CDH13: variants seen among roughly 807,000 people sequenced by gnomAD.
CDH13 encodes the protein cadherin 13, also known as cadherin-13.
In CDH13, 24 loss-of-function variants were observed where a neutral mutation model predicts 63.8. That is an observed-to-expected ratio of 0.38 (90% CI 0.27 to 0.53). The LOEUF (loss-of-function observed/expected upper bound fraction) is 0.53, where lower values mean the gene tolerates loss of function less well. Ranked by LOEUF, CDH13 falls within the 20% of genes least tolerant of loss-of-function variation. CDH13 has a pLI of 0.85. For synonymous variants in CDH13, 503 were observed against 355.3 expected (o/e 1.42, Z -4.67); for missense variants, 1,049 against 903.1 (o/e 1.16, Z -2.07).
At chr16:83,779,214 G>T (rs1915332805) in intron 11 of CDH13, among the ~76,000 whole-genome samples, 1 of 151,764 alleles carries the variant, frequency 6.6e-6, no homozygotes, top group African/African-American at 2.4e-5. Flanking sequence ...AGACCAGCCT[G>T]GCCAACATAG....
At position 83,358,203 on chromosome 16, in the gene CDH13, C is replaced by G. The variant is rs192695617; in HGVS notation, c.781+13197C>G. 1.6e-3 allele frequency among the ~76,000 whole-genome samples: 250 copies of G among 152,242 alleles called. 2 individuals are homozygous for G. The highest frequency in any genetic ancestry group is 3.9e-3 in the Admixed American group (60 of 15,296). On this transcript the variant is annotated intron_variant, in intron 6 of 13. Coordinates refer to ENST00000567109, the MANE Select transcript of CDH13 (RefSeq NM_001257.5). ...CTAAATGTGGTGATGTGAGGAAGTA[C>G]TGACCAACAAGCTAGAAGCAGGGGT...
chr16:83,612,072 A>G (rs1908908453), intron 8 of CDH13, among the ~76,000 whole-genome samples: 1 of 152,096 alleles, frequency 6.6e-6, no homozygotes. Flanking sequence ...TATATGTTTT[A>G]TTAATCTGCT....
At chr16:83,537,229 G>A (rs1377143150) in intron 7 of CDH13, among the ~76,000 whole-genome samples, 2 of 152,182 alleles carry the variant, frequency 1.3e-5, no homozygotes, top group Admixed American at 6.5e-5. Context: ...AGTATTTGTT[G>A]AGCAAGTAGA....
chr16:82,754,055 A>G lies in CDH13; in HGVS notation c.46-104307A>G, dbSNP rs1459207404. 3.3e-5 allele frequency among the ~76,000 whole-genome samples: 5 copies of G among 152,226 alleles called. No homozygotes were observed. The East Asian group carries it at 9.6e-4, about 29-fold the overall frequency. On this transcript the variant is annotated intron_variant, in intron 1 of 13. Transcript: ENST00000567109. ...TGCTCACGCTTCTGGAATGAAAAGT[A>G]CAAAGGTACAGGGGCAGCAGCTGGA...
At chr16:83,211,972 C>T (rs1334538462) in intron 4 of CDH13, among the ~76,000 whole-genome samples, 2 of 152,132 alleles carry the variant, frequency 1.3e-5, no homozygotes. Flanking sequence ...AGGAAGTTCT[C>T]GCTAACTGTG....
At chr16:83,681,055 C>T (rs910103750) in intron 10 of CDH13, among the ~76,000 whole-genome samples, 1 of 151,908 alleles carries the variant, frequency 6.6e-6, no homozygotes, top group Non-Finnish European at 1.5e-5. Flanking sequence ...GCCCAAGGCC[C>T]AGGTTGAGTC....
intron 6 of CDH13, among the ~76,000 whole-genome samples, chr16:83,364,353 G>A (rs2151389220): frequency 6.6e-6 from 1 of 152,194 alleles, no homozygotes; most frequent in South Asian, 2.1e-4. Context: ...TGATGTAACT[G>A]TACTGTGCAA....
intron 1 of CDH13, among the ~76,000 whole-genome samples, chr16:82,747,708 CA>C (rs2151064651): frequency 1.2e-5 from 1 of 83,650 alleles, no homozygotes; most frequent in Admixed American, 1.6e-4. Context: ...GCTTTGAATC[CA>C]CTTACAAATT....
chr16:83,333,767 C>T (rs988411658), intron 5 of CDH13, among the ~76,000 whole-genome samples: 5 of 152,122 alleles, frequency 3.3e-5, no homozygotes, highest in African/African-American at 1.2e-4. Context: ...TCACATGACC[C>T]ATTTTGCCCA....
Position 83,797,139 on chromosome 16 carries a change from A to T in CDH13, c.*2109A>T, listed in dbSNP as rs144213198. The stretch of plus-strand genomic sequence containing the variant: ...CCTCTTCCTGCAAGGCAGGGGGAGA[A>T]CGTTCATCCTTGAACAAACAAAGAG... On this transcript the variant is annotated 3_prime_UTR_variant, in exon 14 of 14. Coordinates refer to ENST00000567109, the MANE Select transcript of CDH13 (RefSeq NM_001257.5). The T allele has an allele frequency of 3.9e-5, 6 of 152,368 alleles. No individual in the cohort carries two copies. Among genetic ancestry groups the T allele is most frequent in the African/African-American group, 1.2e-4 (5 of 41,594 alleles). 9.4% of individuals were successfully genotyped at this position (152,368 alleles called of 1,614,324 possible). A position where few individuals can be genotyped will look rare whatever the true frequency, so the allele number is the denominator to read the frequency against.
intron 4 of CDH13, among the ~76,000 whole-genome samples, chr16:83,173,823 C>T (rs889207246): frequency 6.6e-6 from 1 of 152,028 alleles, no homozygotes; most frequent in Non-Finnish European, 1.5e-5. Flanking sequence ...CTGTTACCTT[C>T]CTAGCATCCA....
intron 1 of CDH13, among the ~76,000 whole-genome samples, chr16:82,666,971 G>A (rs1369548427): frequency 6.6e-6 from 1 of 152,140 alleles, no homozygotes; most frequent in Non-Finnish European, 1.5e-5. Flanking sequence ...TCAGGAATGG[G>A]TCCAGTTCCT....
At chr16:83,719,055 C>T (rs1909325730) in intron 10 of CDH13, among the ~76,000 whole-genome samples, 1 of 152,178 alleles carries the variant, frequency 6.6e-6, no homozygotes, top group South Asian at 2.1e-4. Flanking sequence ...GGGATGGCTT[C>T]CAGGGCACCC....
At chr16:83,213,848 T>G (rs2039411274) in intron 4 of CDH13, among the ~76,000 whole-genome samples, 1 of 151,916 alleles carries the variant, frequency 6.6e-6, no homozygotes, top group Non-Finnish European at 1.5e-5. Context: ...TAGCTAGGAT[T>G]GTAAAATGCA....
chr16:83,596,336 G>A (rs537940201), intron 7 of CDH13, among the ~76,000 whole-genome samples: 5 of 152,164 alleles, frequency 3.3e-5, no homozygotes, highest in Non-Finnish European at 7.3e-5. Flanking sequence ...GGAGTTCGGG[G>A]TTTACCCTAC....
chr16:83,579,636 C>T (rs1321258907), intron 7 of CDH13, among the ~76,000 whole-genome samples: 1 of 151,998 alleles, frequency 6.6e-6, no homozygotes, highest in African/African-American at 2.4e-5. Context: ...GAGATTTGGG[C>T]GGTGACCCAA....
In CDH13 at chr16:83,508,235, G is replaced by T. The variant is rs116660371; in HGVS notation, c.960+21580G>T. ...AATGTGGAGTCTGCCAAATCAGGTC[G>T]GCAGTTTACTTCTCCTGTCCCCGGT... On this transcript the variant is annotated intron_variant, in intron 7 of 13. Transcript: ENST00000567109. 9.3e-3 allele frequency: 1,426 copies of T among 153,856 alleles called. 29 individuals are homozygous for T. The highest frequency in any genetic ancestry group is 0.032 in the African/African-American group (1,344 of 41,476). The allele number at this position is 153,856 out of a possible 1,614,324, so 9.5% of individuals were successfully genotyped here. A position where few individuals can be genotyped will look rare whatever the true frequency, so the allele number is the denominator to read the frequency against.
At chr16:82,808,470 A>C (rs985175256) in intron 1 of CDH13, among the ~76,000 whole-genome samples, 7 of 152,202 alleles carry the variant, frequency 4.6e-5, no homozygotes, top group Admixed American at 2.6e-4. Flanking sequence ...GGCAAGTCAG[A>C]GATGAAATAA....
chr16:83,698,468 G>T (rs1905718324), intron 10 of CDH13, among the ~76,000 whole-genome samples: 1 of 152,206 alleles, frequency 6.6e-6, no homozygotes, highest in Non-Finnish European at 1.5e-5. Flanking sequence ...GGGAGATGGT[G>T]TTGCCTGGTT....
Sources: allele counts gnomAD v4.1 joint callset (sites outside exome capture counted in the v4.1 genomes callset), GRCh38; gene constraint gnomAD v4.1.1; transcripts MANE v1.5; gene names NCBI Gene and HGNC (gene_info 2026-07-23, HGNC 2026-07-21).